The following TTLL8 variants were observed in gnomAD, a reference collection of about 807,000 sequenced individuals.
TTLL8 encodes the protein tubulin tyrosine ligase like 8.
In TTLL8, 65 loss-of-function variants were observed where a neutral mutation model predicts 77.8. That is an observed-to-expected ratio of 0.84 (90% CI 0.68 to 1.03). The LOEUF is 1.03. TTLL8 is among the 50% of genes least tolerant of loss of function. The pLI, the probability that TTLL8 is intolerant of heterozygous loss-of-function variation, is 0.00. For missense variants in TTLL8, 910 were observed against 1,004.5 expected (o/e 0.91, Z 1.27); for synonymous variants, 402 against 422.8 (o/e 0.95, Z 0.60).
chr22:50,057,551 TG>T (rs369006601), upstream of TTLL8, among the ~76,000 whole-genome samples: 9 of 40,680 alleles, frequency 2.2e-4, no homozygotes, highest in African/African-American at 9.3e-4. Context: ...AGGTCTGGGT[TG>T]GGGGTCAGGT....
chr22:50,028,262 A>G lies in TTLL8; in HGVS notation c.2203+2168T>C, dbSNP rs534492670. On this transcript the variant is annotated intron_variant, in intron 12 of 13. Coordinates refer to ENST00000266182, the Ensembl canonical transcript of TTLL8. ...TAATTTGGCACTGGGCTAAGCCTCCAGCTGCCTCCCGCTGGTGACCTGGTA... is the reference window on the plus strand; with the variant it reads ...TAATTTGGCACTGGGCTAAGCCTCCGGCTGCCTCCCGCTGGTGACCTGGTA... 3.9e-5 allele frequency among the ~76,000 whole-genome samples: 6 copies of G among 152,320 alleles called. No individual in the cohort carries two copies. The East Asian group carries it at 1.2e-3, about 29-fold the overall frequency.
intron 8 of TTLL8, among the ~76,000 whole-genome samples, chr22:50,038,355 CT>C (rs895632167): frequency 8.0e-5 from 12 of 149,644 alleles, no homozygotes; most frequent in South Asian, 2.1e-4. Context: ...TTATGCCTTA[CT>C]TTTTTTTTTC....
At chr22:50,020,591 T>TGAC (rs1202535857) in intron 12 of TTLL8, among the ~76,000 whole-genome samples, 2 of 141,964 alleles carry the variant, frequency 1.4e-5, no homozygotes. Context: ...CTCCTCCATT[T>TGAC]GACGTGAACT....
intron 11 of TTLL8, 123 bp from the exon 13 acceptor site, chr22:50,031,048 A>T: frequency 1.1e-6 from 1 of 881,484 alleles, no homozygotes; most frequent in Non-Finnish European, 1.5e-6. Flanking sequence ...AGGAGTGAAC[A>T]GTGAACACCT....
At chr22:50,050,762 T>C (rs913044783) in intron 1 of TTLL8, among the ~76,000 whole-genome samples, 12 of 152,192 alleles carry the variant, frequency 7.9e-5, no homozygotes, top group Non-Finnish European at 1.3e-4. Flanking sequence ...GAAAAAAGCA[T>C]TGTAAAACTT....
At chr22:50,024,019 C>CA (rs1468116661) in intron 12 of TTLL8, among the ~76,000 whole-genome samples, 1 of 152,112 alleles carries the variant, frequency 6.6e-6, no homozygotes. Context: ...GACTCTGTCT[C>CA]AAAACAAACA....
At chr22:50,057,446 G>A (rs373154361), upstream of TTLL8, among the ~76,000 whole-genome samples, 1,686 of 114,704 alleles carry the variant, frequency 0.015, 1 homozygote, top group East Asian at 0.049. Flanking sequence ...CTGGGTTGGG[G>A]GTCAGGTCTG....
At chr22:50,056,995 T>C (rs1601943182), upstream of TTLL8, 1 of 1,287,620 alleles carries the variant, frequency 7.8e-7, no homozygotes. This position sits in a 1 kb window ranked among gnomAD's most constrained non-coding sequence, Gnocchi z 4.1. Flanking sequence ...GGTGTGGTGG[T>C]TACAGGAAAC....
intron 3 of TTLL8, among the ~76,000 whole-genome samples, chr22:50,048,972 A>T (rs923621862): frequency 4.2e-4 from 64 of 152,206 alleles, no homozygotes; most frequent in Non-Finnish European, 1.0e-4. Context: ...CTCAGCTTCC[A>T]CATGCGCACA....
chr22:50,032,736 G>A (rs535796101), intron 10 of TTLL8, among the ~76,000 whole-genome samples: 19 of 152,292 alleles, frequency 1.2e-4, no homozygotes, highest in Admixed American at 1.1e-3. Context: ...GGCAGGCGTC[G>A]CTGTGTGCAC....
At chr22:50,055,384 T>G, upstream of TTLL8, 164 of 1,240,086 alleles carry the variant, frequency 1.3e-4, no homozygotes, top group Non-Finnish European at 1.6e-4. Flanking sequence ...CCAGGCACGG[T>G]GGCTCATGCC....
rs760983364 is a variant in TTLL8, at chr22:50,041,142, C to A, written c.921+45G>T. 2.5e-6 allele frequency: 1 copy of A among 392,342 alleles called. No individual in the cohort carries two copies. Among genetic ancestry groups the A allele is most frequent in the East Asian group, 9.2e-5 (1 of 10,910 alleles). 24.3% of individuals were successfully genotyped at this position (392,342 alleles called of 1,614,324 possible). On this transcript the variant is annotated intron_variant, in intron 8 of 13. Coordinates refer to ENST00000266182, the Ensembl canonical transcript of TTLL8. The surrounding 1 kb of genome is among the most constrained non-coding windows in gnomAD (Gnocchi z 4.3). ...ACCTCTGCCAGTCACTCACCAACAC[C>A]AAGAGTGAGGCAGGTGCCCCAGTGG...
intron 2 of TTLL8, 31 bp downstream of exon 4, chr22:50,050,078 T>C: frequency 1.5e-6 from 2 of 1,362,646 alleles, no homozygotes; most frequent in Non-Finnish European, 2.0e-6. Context: ...GCACACGCCC[T>C]GAGCTGAGAC....
chr22:50,040,177 C>A (rs1303658880), intron 8 of TTLL8, among the ~76,000 whole-genome samples: 1 of 151,862 alleles, frequency 6.6e-6, no homozygotes, highest in African/African-American at 2.4e-5. Flanking sequence ...TCATGTGTGC[C>A]AGCGTGGACG....
At chr22:50,027,208 C>A (rs1251091895) in intron 12 of TTLL8, among the ~76,000 whole-genome samples, 1 of 148,846 alleles carries the variant, frequency 6.7e-6, no homozygotes, top group African/African-American at 2.5e-5. Flanking sequence ...TGCACTCCAG[C>A]CTGGGAGACA....
chr22:50,024,622 G>A (rs975610106), intron 12 of TTLL8, among the ~76,000 whole-genome samples: 13 of 152,210 alleles, frequency 8.5e-5, no homozygotes, highest in Admixed American at 3.9e-4. Context: ...TAAATTTAAC[G>A]TTTTATTTAG....
intron 1 of TTLL8, among the ~76,000 whole-genome samples, chr22:50,050,550 T>A (rs544054895): frequency 5.3e-5 from 8 of 152,212 alleles, no homozygotes; most frequent in Non-Finnish European, 8.8e-5. Flanking sequence ...CTACTACTCC[T>A]GCTGCCCTCC....
At position 50,044,484 on chromosome 22, in the gene TTLL8, C is replaced by T. The variant is rs974688949; in HGVS notation, c.643+771G>A. Among the ~76,000 whole-genome samples, 1 of 152,184 alleles carries T rather than the reference C, an allele frequency of 6.6e-6. No homozygotes were observed. Among genetic ancestry groups the T allele is most frequent in the East Asian group, 1.9e-4 (1 of 5,192 alleles). ...AAGTTCTCACTCAGCACAAATGAAG[C>T]CACCGCTCCAGCGTTCACCAATCAG... On this transcript the variant is annotated intron_variant, in intron 6 of 13. Transcript: ENST00000266182. This position sits in a 1 kb window ranked among gnomAD's most constrained non-coding sequence, Gnocchi z 4.2.
At chr22:50,038,437 C>T (rs2146666535) in intron 8 of TTLL8, among the ~76,000 whole-genome samples, 1 of 152,236 alleles carries the variant, frequency 6.6e-6, no homozygotes, top group South Asian at 2.1e-4. Flanking sequence ...AACTTCGTCT[C>T]ATTCTGATTT....
Sources: allele counts gnomAD v4.1 joint callset (sites outside exome capture counted in the v4.1 genomes callset), GRCh38; gene constraint gnomAD v4.1.1; non-coding constraint Gnocchi (gnomAD v3.1); transcripts MANE v1.5; gene names NCBI Gene and HGNC (gene_info 2026-07-23, HGNC 2026-07-21).